Variants in DGCR2 observed in about 807,000 individuals in gnomAD.
DGCR2 encodes the protein DiGeorge syndrome critical region gene 2.
In DGCR2, 24 loss-of-function variants were observed where a neutral mutation model predicts 51.6. The observed-to-expected ratio is 0.47, with a 90% confidence interval of 0.34 to 0.65. The LOEUF is 0.65. Ranked by LOEUF, DGCR2 falls within the 30% of genes least tolerant of loss-of-function variation. The probability of loss-of-function intolerance (pLI) is 0.01; values close to 1 mark genes in which losing one functional copy is unlikely to be tolerated. For synonymous variants in DGCR2, 340 were observed against 315.4 expected (o/e 1.08, Z -0.82); for missense variants, 765 against 772.1 (o/e 0.99, Z 0.11).
chr22:19,068,126 T>C lies in DGCR2; in HGVS notation c.302A>G (p.Asn101Ser). ...GCTGAAGCGAACGGGCTGCGCCACG[T>C]TCACCGCGTGGAAGTGCGAAGGGTC... ...GGDPSHFHAV[N>S]VAQPVRFSSF... The change falls in exon 3 of 10, where the codon AAC becomes AGC. Residue 101 changes from asparagine to serine, a missense_variant. Asn to Ser is a conservative substitution (Grantham distance 46). Transcript: ENST00000263196. 3 of 1,604,032 alleles carry C rather than the reference T, an allele frequency of 1.9e-6. No homozygotes were observed. The highest frequency in any genetic ancestry group is 1.7e-6 in the Non-Finnish European group (2 of 1,176,414).
At chr22:19,097,531 G>A (rs1328093259) in intron 1 of DGCR2, among the ~76,000 whole-genome samples, 3 of 152,076 alleles carry the variant, frequency 2.0e-5, no homozygotes, top group Non-Finnish European at 4.4e-5. Context: ...CAGCCTGGGC[G>A]ACAGAGCAAG....
intron 1 of DGCR2, among the ~76,000 whole-genome samples, chr22:19,106,009 C>T (rs1299844532): frequency 6.6e-6 from 1 of 152,020 alleles, no homozygotes; most frequent in Non-Finnish European, 1.5e-5. Context: ...ACCAGCAGGC[C>T]AGCACACAAC....
At chr22:19,082,748 C>T (rs1377736843) in intron 2 of DGCR2, among the ~76,000 whole-genome samples, 5 of 149,496 alleles carry the variant, frequency 3.3e-5, no homozygotes, top group Non-Finnish European at 7.4e-5. Context: ...CAGAGCGAAA[C>T]TCCATCTCCA....
chr22:19,113,387 A>T lies in DGCR2; in HGVS notation c.79+8741T>A, dbSNP rs557370175. Among the ~76,000 whole-genome samples the T allele has an allele frequency of 4.4e-3, 673 of 152,258 alleles. 1 individual carries two copies. Among genetic ancestry groups the T allele is most frequent in the Non-Finnish European group, 7.6e-3 (520 of 68,016 alleles). On this transcript the variant is annotated intron_variant, in intron 1 of 9. Coordinates refer to ENST00000263196, the MANE Select transcript of DGCR2 (RefSeq NM_005137.3). ...CCGTCTCAAAAAAATAAAAATAAAA[A>T]AAAAAAAATAACAGTATGAACTTAC...
At position 19,121,988 on chromosome 22, in the gene DGCR2, C is replaced by A. The variant is rs1601327061; in HGVS notation, c.79+140G>T. ...GCAGGCGTCCGCAGAGAGTGCCAGG[C>A]GGCCCGCGAGCCAGGCCCCGCCCGC... On this transcript the variant is annotated intron_variant, in intron 1 of 9. Transcript: ENST00000263196. The A allele has an allele frequency of 9.5e-6, 4 of 421,486 alleles. No individual in the cohort carries two copies. The East Asian group carries it at 1.6e-4, about 17-fold the overall frequency. 26.1% of individuals were successfully genotyped at this position (421,486 alleles called of 1,614,324 possible). A position where few individuals can be genotyped will look rare whatever the true frequency, so the allele number is the denominator to read the frequency against.
At chr22:19,094,443 C>T (rs778201340) in intron 1 of DGCR2, among the ~76,000 whole-genome samples, 24 of 152,086 alleles carry the variant, frequency 1.6e-4, no homozygotes, top group Admixed American at 9.2e-4. Context: ...AAAACAAAAA[C>T]AAAAAACCAT....
intron 9 of DGCR2, 75 bp from the exon 10 acceptor site, chr22:19,039,196 C>T: frequency 1.3e-6 from 2 of 1,567,884 alleles, no homozygotes; most frequent in South Asian, 1.2e-5. Flanking sequence ...CTAGGCAAAA[C>T]CAGGAGACAC....
chr22:19,062,039 A>T (rs1216136202), intron 5 of DGCR2, among the ~76,000 whole-genome samples: 2 of 152,162 alleles, frequency 1.3e-5, no homozygotes, highest in Non-Finnish European at 2.9e-5. Context: ...TCCCACTCAG[A>T]ATCATGTCTT....
At chr22:19,092,839 A>G (rs2083093426) in intron 1 of DGCR2, among the ~76,000 whole-genome samples, 1 of 152,186 alleles carries the variant, frequency 6.6e-6, no homozygotes, top group South Asian at 2.1e-4. Flanking sequence ...AGCTCCCTGA[A>G]GAAAGAACAG....
chr22:19,112,057 G>C (rs1051089693), intron 1 of DGCR2, among the ~76,000 whole-genome samples: 1 of 152,020 alleles, frequency 6.6e-6, no homozygotes, highest in African/African-American at 2.4e-5. Flanking sequence ...TGGATCACCT[G>C]AGGTCAGGAG....
intron 1 of DGCR2, among the ~76,000 whole-genome samples, chr22:19,093,681 A>G (rs1030393200): frequency 6.6e-6 from 1 of 152,226 alleles, no homozygotes; most frequent in Non-Finnish European, 1.5e-5. Context: ...TCAAATTTCA[A>G]TAAGAAAACA....
intron 6 of DGCR2, among the ~76,000 whole-genome samples, chr22:19,050,440 C>T (rs1367502802): frequency 1.3e-5 from 2 of 152,188 alleles, no homozygotes; most frequent in Non-Finnish European, 2.9e-5. Context: ...GTTTGCAGAT[C>T]CACCTTATAA....
At chr22:19,090,258 CA>C (rs1310606525) in intron 1 of DGCR2, among the ~76,000 whole-genome samples, 3 of 152,142 alleles carry the variant, frequency 2.0e-5, no homozygotes, top group African/African-American at 7.2e-5. Flanking sequence ...GGAACAGACA[CA>C]ACATCTGAAG....
At chr22:19,088,141 C>G (rs1245438790) in intron 2 of DGCR2, among the ~76,000 whole-genome samples, 1 of 152,184 alleles carries the variant, frequency 6.6e-6, no homozygotes, top group East Asian at 1.9e-4. Flanking sequence ...AGTACTAAGC[C>G]TATAGGAATT....
Position 19,041,203 on chromosome 22 carries a change from G to A in DGCR2, c.1251C>T (p.Asp417=), listed in dbSNP as rs371850387. ...GTGLTPLHLS[D]DGEGGTFHFH... is the part of the protein sequence containing the mutation. ...AATGGAAAGTCCCACCCTCTCCGTC[G>A]TCAGAAAGATGCAGCGGCGTGAGGC... Residue 417 remains aspartate, a synonymous_variant, in exon 9 of 10, where the codon GAC becomes GAT. Coordinates refer to ENST00000263196, the MANE Select transcript of DGCR2 (RefSeq NM_005137.3). 14 of 1,613,946 alleles carry A rather than the reference G, an allele frequency of 8.7e-6. No individual in the cohort carries two copies. Among genetic ancestry groups the A allele is most frequent in the African/African-American group, 6.7e-5 (5 of 74,892 alleles).
intron 6 of DGCR2, among the ~76,000 whole-genome samples, chr22:19,054,103 G>A (rs2082576409): frequency 6.6e-6 from 1 of 152,218 alleles, no homozygotes; most frequent in Admixed American, 6.5e-5. Flanking sequence ...TGGAACGACT[G>A]ATAAAACTGG....
chr22:19,117,269 G>C (rs1468337926), intron 1 of DGCR2, among the ~76,000 whole-genome samples: 1 of 152,276 alleles, frequency 6.6e-6, no homozygotes, highest in Non-Finnish European at 1.5e-5. Context: ...GGGAAGTGGA[G>C]CAGCGAAGGC....
chr22:19,120,099 C>T (rs2083416336), intron 1 of DGCR2, among the ~76,000 whole-genome samples: 1 of 152,206 alleles, frequency 6.6e-6, no homozygotes, highest in Non-Finnish European at 1.5e-5. Context: ...ATACAAGGAA[C>T]ACATCAGGCC....
At chr22:19,062,391 C>CTG (rs2082674060) in intron 5 of DGCR2, among the ~76,000 whole-genome samples, 1 of 152,224 alleles carries the variant, frequency 6.6e-6, no homozygotes, top group Non-Finnish European at 1.5e-5. Flanking sequence ...AAGCCGGCCA[C>CTG]CCAGGCCTTG....
Sources: gnomAD v4.1 joint callset for allele counts (sites outside exome capture counted in the v4.1 genomes callset) on GRCh38, gnomAD v4.1.1 for gene constraint, MANE v1.5 for transcripts, NCBI Gene and HGNC (gene_info 2026-07-23, HGNC 2026-07-21) for gene names.